The following DSCAM variants were observed in gnomAD, a reference collection of about 807,000 sequenced individuals.
The protein encoded by DSCAM is DS cell adhesion molecule, also known as cell adhesion molecule DSCAM.
A neutral mutation model predicts 217.7 loss-of-function variants in DSCAM; 47 were observed. That is an observed-to-expected ratio of 0.22 (90% confidence interval 0.17 to 0.28). The LOEUF (loss-of-function observed/expected upper bound fraction) is 0.28, where lower values mean the gene tolerates loss of function less well. DSCAM is among the 10% of genes least tolerant of loss of function. The pLI is 1.00. For synonymous variants in DSCAM, 1,056 were observed against 1,015.3 expected, an observed-to-expected ratio of 1.04 and a Z score of -0.76; for missense variants, 2,080 against 2,618.3, an observed-to-expected ratio of 0.79 and a Z score of 4.49.
chr21:40,370,837 G>C (rs138465495), intron 3 of DSCAM, among the ~76,000 whole-genome samples: 173 of 152,108 alleles, frequency 1.1e-3, no homozygotes, highest in Non-Finnish European at 2.1e-3. Context: ...GCCCAGGCTG[G>C]TCTTGAACTC....
intron 1 of DSCAM, among the ~76,000 whole-genome samples, chr21:40,829,938 T>G (rs2091999605): frequency 6.6e-6 from 1 of 152,142 alleles, no homozygotes; most frequent in Admixed American, 6.5e-5. Flanking sequence ...ATTGCCACAT[T>G]TTTTCCCACA....
intron 2 of DSCAM, among the ~76,000 whole-genome samples, chr21:40,696,951 CAATA>C: frequency 6.6e-6 from 1 of 152,126 alleles, no homozygotes; most frequent in Non-Finnish European, 1.5e-5. Flanking sequence ...TAAAAATATA[CAATA>C]AATTATTAAC....
chr21:40,548,285 T>G (rs184829525), intron 3 of DSCAM, among the ~76,000 whole-genome samples: 185 of 152,266 alleles, frequency 1.2e-3, no homozygotes, highest in Non-Finnish European at 2.1e-3. Context: ...CTTCAGAGTT[T>G]AATTACCGCC....
intron 32 of DSCAM, among the ~76,000 whole-genome samples, chr21:40,037,211 AGAG>A (rs2088642310): frequency 6.7e-6 from 1 of 149,340 alleles, no homozygotes; most frequent in Non-Finnish European, 1.5e-5. Flanking sequence ...AAGTAGGAAA[AGAG>A]GAAGTCAAAT....
chr21:40,188,344 A>G (rs1171310069), intron 12 of DSCAM, among the ~76,000 whole-genome samples: 1 of 151,666 alleles, frequency 6.6e-6, no homozygotes, highest in Non-Finnish European at 1.5e-5. Context: ...TTTTTTTTTC[A>G]TGGTATCCAA....
rs1039509605 is a variant in DSCAM, at chr21:40,487,668, C to T, written c.509-118423G>A. 3.9e-5 allele frequency among the ~76,000 whole-genome samples: 6 copies of T among 151,976 alleles called. No homozygotes were observed. The East Asian group carries it at 5.8e-4, about 15-fold the overall frequency. Reference sequence around the variant, plus strand: ...GGCTGAGGGTGAAGGCAAGGAAGCCCGTGAGAAAGTTAATAATCTTAGAGA... The same window carrying T: ...GGCTGAGGGTGAAGGCAAGGAAGCCTGTGAGAAAGTTAATAATCTTAGAGA... On this transcript the variant is annotated intron_variant, in intron 3 of 32. Coordinates refer to ENST00000400454, the MANE Select transcript of DSCAM (RefSeq NM_001389.5).
At chr21:40,715,778 A>AT (rs1340794120) in intron 1 of DSCAM, among the ~76,000 whole-genome samples, 2 of 152,196 alleles carry the variant, frequency 1.3e-5, no homozygotes, top group Admixed American at 6.5e-5. Context: ...TTCAAGGCTA[A>AT]TTAATTCCAC....
chr21:40,150,883 T>C (rs1203275321), intron 16 of DSCAM, among the ~76,000 whole-genome samples: 2 of 152,060 alleles, frequency 1.3e-5, no homozygotes, highest in Non-Finnish European at 2.9e-5. Flanking sequence ...GATACATGGG[T>C]GGAAATAATG....
At chr21:40,547,790 AT>A (rs2076595587) in intron 3 of DSCAM, among the ~76,000 whole-genome samples, 1 of 152,120 alleles carries the variant, frequency 6.6e-6, no homozygotes, top group African/African-American at 2.4e-5. Context: ...TGTGCCTCAA[AT>A]TGTTCAAGCA....
chr21:40,798,329 C>T (rs935798087), intron 1 of DSCAM, among the ~76,000 whole-genome samples: 1 of 151,946 alleles, frequency 6.6e-6, no homozygotes, highest in Non-Finnish European at 1.5e-5. Flanking sequence ...CACAGACACA[C>T]CCTAAATGAA....
At chr21:40,670,866 T>TA (rs752702509) in intron 3 of DSCAM, among the ~76,000 whole-genome samples, 2 of 152,192 alleles carry the variant, frequency 1.3e-5, no homozygotes, top group African/African-American at 2.4e-5. Context: ...CATAGGTGAC[T>TA]TAGCATTCCT....
intron 3 of DSCAM, among the ~76,000 whole-genome samples, chr21:40,458,460 A>G (rs1026437078): frequency 2.6e-5 from 4 of 152,114 alleles, no homozygotes; most frequent in African/African-American, 4.8e-5. Flanking sequence ...ACACATACAT[A>G]TGTAAATAAT....
intron 3 of DSCAM, among the ~76,000 whole-genome samples, chr21:40,532,531 T>G (rs1164804150): frequency 6.6e-6 from 1 of 152,068 alleles, no homozygotes; most frequent in Non-Finnish European, 1.5e-5. Context: ...GGAAAGGTGG[T>G]CAGAAATGTC....
chr21:40,059,229 C>T (rs190505416), intron 28 of DSCAM, among the ~76,000 whole-genome samples: 139 of 152,256 alleles, frequency 9.1e-4, no homozygotes, highest in African/African-American at 3.3e-3. Flanking sequence ...TAATTTGAAC[C>T]TTTTTCTGCT....
intron 16 of DSCAM, among the ~76,000 whole-genome samples, chr21:40,152,949 T>C (rs1284501035): frequency 6.6e-6 from 1 of 152,250 alleles, no homozygotes; most frequent in African/African-American, 2.4e-5. Context: ...GCTAAGAGCC[T>C]CACTGCAGAA....
intron 3 of DSCAM, among the ~76,000 whole-genome samples, chr21:40,581,773 T>C (rs2076907620): frequency 1.3e-5 from 2 of 152,182 alleles, no homozygotes; most frequent in South Asian, 4.1e-4. Context: ...TTGAGTTTGG[T>C]AATTCATGGC....
chr21:40,240,616 C>G (rs2073140087), intron 11 of DSCAM, among the ~76,000 whole-genome samples: 1 of 152,050 alleles, frequency 6.6e-6, no homozygotes, highest in Non-Finnish European at 1.5e-5. Context: ...CTTCCCCATT[C>G]CCGTCCTTTC....
At chr21:40,708,848 G>A in intron 1 of DSCAM, 77 bp from the exon 2 acceptor site, 5 of 1,099,398 alleles carry the variant, frequency 4.5e-6, no homozygotes, top group Non-Finnish European at 6.1e-6. Flanking sequence ...TCTGGCCTCA[G>A]AAAGTTATCC....
intron 16 of DSCAM, among the ~76,000 whole-genome samples, chr21:40,160,998 A>G (rs984722515): frequency 2.0e-5 from 3 of 152,172 alleles, no homozygotes; most frequent in African/African-American, 7.2e-5. Flanking sequence ...TGAATCAAGA[A>G]TTGCCTCTTA....
Sources: gnomAD v4.1 joint callset for allele counts (sites outside exome capture counted in the v4.1 genomes callset) on GRCh38, gnomAD v4.1.1 for gene constraint, MANE v1.5 for transcripts, NCBI Gene and HGNC (gene_info 2026-07-23, HGNC 2026-07-21) for gene names.